THSD7A: variants seen among roughly 807,000 people sequenced by gnomAD.
THSD7A encodes the protein thrombospondin type 1 domain containing 7A.
Under a neutral mutation model 231.3 loss-of-function variants are expected in THSD7A, and 96 were observed. That is an observed-to-expected ratio of 0.41 (90% confidence interval 0.35 to 0.49). The LOEUF is 0.49. Among genes scored for constraint, THSD7A ranks in the 20% least tolerant of loss-of-function variants. The pLI, the probability that THSD7A is intolerant of heterozygous loss-of-function variation, is 0.05. For synonymous variants in THSD7A, 940 were observed against 743.3 expected (o/e 1.26, Z -4.30); for missense variants, 2,290 against 2,070.2 (o/e 1.11, Z -2.06).
intron 1 of THSD7A, among the ~76,000 whole-genome samples, chr7:11,675,605 T>C (rs1562466092): frequency 6.6e-6 from 1 of 152,176 alleles, no homozygotes; most frequent in Admixed American, 6.5e-5. Flanking sequence ...TTACTGAAGC[T>C]TGAGTAGAAA....
At chr7:11,688,158 G>T (rs1051296939) in intron 1 of THSD7A, among the ~76,000 whole-genome samples, 1 of 150,420 alleles carries the variant, frequency 6.6e-6, no homozygotes, top group Non-Finnish European at 1.5e-5. Context: ...AGAACATGCG[G>T]TGGTTTTTTG....
intron 2 of THSD7A, among the ~76,000 whole-genome samples, chr7:11,594,583 TATATA>T (rs1554346194): frequency 2.6e-5 from 4 of 152,110 alleles, no homozygotes. Context: ...AGAGACTCTA[TATATA>T]ACACCTTTGA....
At chr7:11,727,407 G>C (rs560356926) in intron 1 of THSD7A, among the ~76,000 whole-genome samples, 24 of 151,982 alleles carry the variant, frequency 1.6e-4, no homozygotes, top group Middle Eastern at 3.4e-3. Flanking sequence ...ATCACAAAAT[G>C]ATAACACTCA....
intron 6 of THSD7A, among the ~76,000 whole-genome samples, chr7:11,518,202 A>G (rs1170626981): frequency 1.3e-5 from 2 of 152,178 alleles, no homozygotes; most frequent in Admixed American, 6.5e-5. Context: ...TACAGTTTAA[A>G]TTGGAGACAC....
At chr7:11,545,687 C>T (rs1789350513) in intron 4 of THSD7A, among the ~76,000 whole-genome samples, 1 of 152,138 alleles carries the variant, frequency 6.6e-6, no homozygotes, top group African/African-American at 2.4e-5. Flanking sequence ...TGCCATGGAC[C>T]CCAGAATCCT....
intron 1 of THSD7A, among the ~76,000 whole-genome samples, chr7:11,684,016 C>T (rs1357676986): frequency 1.3e-5 from 2 of 151,892 alleles, no homozygotes; most frequent in African/African-American, 4.8e-5. Flanking sequence ...GGCAACACAA[C>T]AACAAAAAAT....
intron 26 of THSD7A, among the ~76,000 whole-genome samples, chr7:11,378,377 G>A (rs965790362): frequency 4.6e-5 from 7 of 152,160 alleles, no homozygotes; most frequent in Non-Finnish European, 1.0e-4. Context: ...ATCCAACTGA[G>A]GAGGGAAAGT....
rs938344870 is a variant in THSD7A, at chr7:11,375,862, G to A, written c.4906C>T (p.Pro1636Ser). 2 of 1,612,430 alleles carry A rather than the reference G, an allele frequency of 1.2e-6. No individual in the cohort carries two copies. Among genetic ancestry groups the A allele is most frequent in the Non-Finnish European group, 1.7e-6 (2 of 1,178,956 alleles). Residue 1636 changes from proline to serine, a missense_variant, in exon 28 of 28, where the codon CCC becomes TCC. Pro to Ser is a moderately conservative substitution (Grantham distance 74). Transcript: ENST00000423059. Reference sequence around the variant, plus strand: ...AGTCGGTTGTTTTGCCTTCTTTGGGGTTTCTTTGGCTTTTTGCTGTAAAAA... The same window carrying A: ...AGTCGGTTGTTTTGCCTTCTTTGGGATTTCTTTGGCTTTTTGCTGTAAAAA... The part of the protein sequence containing the change: ...IYLACKKPKK[P>S]QRRQNNRLKP...
At chr7:11,805,319 A>T (rs1170274486) in intron 1 of THSD7A, among the ~76,000 whole-genome samples, 1 of 152,186 alleles carries the variant, frequency 6.6e-6, no homozygotes, top group East Asian at 1.9e-4. Context: ...TAATAGAAAC[A>T]TTATACATTA....
intron 4 of THSD7A, among the ~76,000 whole-genome samples, chr7:11,545,684 G>C (rs1232384451): frequency 6.6e-6 from 1 of 152,184 alleles, no homozygotes; most frequent in African/African-American, 2.4e-5. Flanking sequence ...TCTTGCCATG[G>C]ACCCCAGAAT....
intron 1 of THSD7A, among the ~76,000 whole-genome samples, chr7:11,763,573 T>C (rs913675546): frequency 3.3e-5 from 5 of 152,170 alleles, no homozygotes; most frequent in Non-Finnish European, 5.9e-5. Context: ...CTTAGCATAA[T>C]GCCTTAAAAC....
intron 1 of THSD7A, among the ~76,000 whole-genome samples, chr7:11,784,248 G>GTATA (rs1467981771): frequency 6.7e-6 from 1 of 149,226 alleles, no homozygotes; most frequent in Non-Finnish European, 1.5e-5. Flanking sequence ...GTGTGTGTGT[G>GTATA]TATATATATA....
intron 1 of THSD7A, among the ~76,000 whole-genome samples, chr7:11,697,082 T>C (rs1381606018): frequency 2.0e-5 from 3 of 151,468 alleles, no homozygotes; most frequent in Non-Finnish European, 4.4e-5. Context: ...TTTTGATGAC[T>C]TTCCCTAATG....
chr7:11,465,996 A>G (rs984161350), intron 9 of THSD7A, among the ~76,000 whole-genome samples: 1 of 152,150 alleles, frequency 6.6e-6, no homozygotes, highest in Non-Finnish European at 1.5e-5. Flanking sequence ...GATCTTTATC[A>G]GCATTGATTT....
chr7:11,750,393 C>T (rs1782459055), intron 1 of THSD7A, among the ~76,000 whole-genome samples: 2 of 151,942 alleles, frequency 1.3e-5, no homozygotes, highest in African/African-American at 4.8e-5. Context: ...GTGTAATCAT[C>T]ATGTGAAAGA....
At chr7:11,397,691 A>G (rs1026885473) in intron 23 of THSD7A, among the ~76,000 whole-genome samples, 1 of 152,238 alleles carries the variant, frequency 6.6e-6, no homozygotes, top group Non-Finnish European at 1.5e-5. Context: ...ATCTACAAAG[A>G]ACTTAAACAA....
At chr7:11,564,256 G>A (rs984123746) in intron 4 of THSD7A, among the ~76,000 whole-genome samples, 10 of 152,142 alleles carry the variant, frequency 6.6e-5, no homozygotes, top group African/African-American at 2.4e-4. Context: ...CCAATTATGG[G>A]TGTCGAAAAC....
intron 1 of THSD7A, among the ~76,000 whole-genome samples, chr7:11,749,158 G>A (rs1417512803): frequency 1.3e-5 from 2 of 152,004 alleles, no homozygotes; most frequent in South Asian, 2.1e-4. Context: ...AAAGCACTTA[G>A]ATCACATTCT....
chr7:11,448,316 C>T (rs765071877), intron 11 of THSD7A, among the ~76,000 whole-genome samples: 13 of 152,066 alleles, frequency 8.5e-5, no homozygotes, highest in Non-Finnish European at 1.6e-4. Flanking sequence ...AAAGAGCAAG[C>T]ATGTTTAAAG....
Sources: gnomAD v4.1 joint callset for allele counts (sites outside exome capture counted in the v4.1 genomes callset) on GRCh38, gnomAD v4.1.1 for gene constraint, MANE v1.5 for transcripts, NCBI Gene and HGNC (gene_info 2026-07-23, HGNC 2026-07-21) for gene names.